Variants in POLA1 observed in about 807,000 individuals in gnomAD.
The protein encoded by POLA1 is DNA polymerase alpha catalytic subunit.
In POLA1, 15 loss-of-function variants were observed where a neutral mutation model predicts 124.0. The ratio of observed to expected loss-of-function variants is 0.12; its 90% CI spans 0.08 to 0.19. The LOEUF is 0.19. Ranked by LOEUF, POLA1 falls within the 10% of genes least tolerant of loss-of-function variation. The pLI is 1.00. For missense variants in POLA1, 886 were observed against 1,103.4 expected, an observed-to-expected ratio of 0.80 and a Z score of 2.79; for synonymous variants, 408 against 389.4, an observed-to-expected ratio of 1.05 and a Z score of -0.56.
At chrX:24,696,196 A>G (rs1482619725) in intron 1 of POLA1, among the ~76,000 whole-genome samples, 1 of 112,720 alleles carries the variant, frequency 8.9e-6, no homozygotes. Context: ...TGCATCAGTC[A>G]GAGCCCCTAT....
In POLA1 at chrX:24,727,840, C is replaced by T; in HGVS notation, c.1590C>T (p.Asp530=). The T allele has an allele frequency of 8.3e-7, 1 of 1,206,242 alleles. No individual in the cohort carries two copies. The highest frequency in any genetic ancestry group is 1.1e-6 in the Non-Finnish European group (1 of 890,354). The part of the protein sequence containing the change: ...CKVEAMALKP[D]LVNVIKDVSP... ...TTGAGGCAATGGCTTTGAAACCAGA[C>T]CTGGTGAATGTAATTAAGGATGTCA... is the stretch of plus-strand genomic sequence containing the variant. Residue 530 remains aspartate (D), a synonymous_variant, in exon 15 of 37, where the codon GAC becomes GAT. Coordinates refer to ENST00000379068, the MANE Select transcript of POLA1 (RefSeq NM_001330360.2).
chrX:24,934,212 A>G (rs1305088414), intron 36 of POLA1, among the ~76,000 whole-genome samples: 1 of 112,509 alleles, frequency 8.9e-6, no homozygotes, highest in Non-Finnish European at 1.9e-5. Flanking sequence ...GCAGGAAGAA[A>G]AAAGTCTCTT....
intron 35 of POLA1, among the ~76,000 whole-genome samples, chrX:24,897,673 T>G (rs1283859458): frequency 1.8e-5 from 2 of 112,020 alleles, no homozygotes; most frequent in Non-Finnish European, 3.8e-5. Context: ...GCAGAGATGT[T>G]CCAGGGATGT....
intron 34 of POLA1, among the ~76,000 whole-genome samples, chrX:24,853,388 T>G (rs946421622): frequency 1.8e-5 from 2 of 112,320 alleles, no homozygotes; most frequent in African/African-American, 3.2e-5. Context: ...GTAAACTTTT[T>G]GTGCTCTGGT....
At chrX:24,782,046 A>G (rs2045275524) in intron 26 of POLA1, among the ~76,000 whole-genome samples, 1 of 111,774 alleles carries the variant, frequency 8.9e-6, no homozygotes, top group South Asian at 3.8e-4. Context: ...ATATTCTTAG[A>G]AGCTCAGAAA....
At chrX:24,746,217 C>T (rs1488770519) in intron 24 of POLA1, among the ~76,000 whole-genome samples, 3 of 110,911 alleles carry the variant, frequency 2.7e-5, no homozygotes, top group Non-Finnish European at 5.7e-5. Context: ...TCCAGGTCCC[C>T]GTTACCTGTG....
At chrX:24,726,509 G>C (rs1930547170) in intron 13 of POLA1, among the ~76,000 whole-genome samples, 1 of 112,353 alleles carries the variant, frequency 8.9e-6, no homozygotes, top group Non-Finnish European at 1.9e-5. Flanking sequence ...CTAGTGTTTT[G>C]TTCCCACAAC....
chrX:24,946,396 T>C (rs1426135080), intron 36 of POLA1, among the ~76,000 whole-genome samples: 1 of 111,985 alleles, frequency 8.9e-6, no homozygotes, highest in Non-Finnish European at 1.9e-5. Context: ...TTACCTGGGG[T>C]GTCCAGGCAG....
intron 36 of POLA1, among the ~76,000 whole-genome samples, chrX:24,994,882 C>T (rs2048584052): frequency 9.0e-6 from 1 of 111,102 alleles, no homozygotes. Flanking sequence ...CACAGCCCCA[C>T]TGCTCCTTTA....
chrX:24,912,717 C>G (rs2047467451), intron 35 of POLA1, among the ~76,000 whole-genome samples: 1 of 111,818 alleles, frequency 8.9e-6, no homozygotes, highest in African/African-American at 3.3e-5. Context: ...CTGCAGTGAG[C>G]AGTGACTGTG....
chrX:24,749,638 A>G (rs1350812368), intron 26 of POLA1, among the ~76,000 whole-genome samples: 1 of 111,761 alleles, frequency 8.9e-6, no homozygotes, highest in Non-Finnish European at 1.9e-5. Context: ...CTGGGAAAGA[A>G]GGATTAAGAA....
intron 35 of POLA1, among the ~76,000 whole-genome samples, chrX:24,919,186 A>G (rs1453168930): frequency 8.9e-6 from 1 of 112,005 alleles, no homozygotes; most frequent in Non-Finnish European, 1.9e-5. Flanking sequence ...TAGTAGTTTA[A>G]AATACCTTGG....
Position 24,744,892 on chromosome X carries a change from C to T in POLA1, c.2567-526C>T, listed in dbSNP as rs772859201. Among the ~76,000 whole-genome samples the T allele has an allele frequency of 4.8e-5, 5 of 104,197 alleles. No homozygotes were observed. The South Asian group carries it at 1.9e-3, about 39-fold the overall frequency. 90.5% of individuals were successfully genotyped at this position (104,197 alleles called of 115,157 possible). A position where few individuals can be genotyped will look rare whatever the true frequency, so the allele number is the denominator to read the frequency against. ...ACTTGAACCCGGGAGGCAGAGGTTG[C>T]GGTGAGCTGAGATTGCGCCATGGCA... On this transcript the variant is annotated intron_variant, in intron 23 of 36. Transcript: ENST00000379068.
chrX:24,919,795 A>AGTTTTTTTTTTTT (rs2047584992), intron 35 of POLA1, among the ~76,000 whole-genome samples: 3 of 51,095 alleles, frequency 5.9e-5, no homozygotes, highest in African/African-American at 1.4e-4. Context: ...CTCCCTCCCC[A>AGTTTTTTTTTTTT]GTTTTTTTTT....
chrX:24,920,559 A>G (rs1051143461), intron 35 of POLA1, among the ~76,000 whole-genome samples: 4 of 112,067 alleles, frequency 3.6e-5, no homozygotes, highest in Admixed American at 9.4e-5. Context: ...AAATGCATCA[A>G]TAAAAAGTGG....
At chrX:24,711,139 C>T (rs1383511245) in intron 4 of POLA1, among the ~76,000 whole-genome samples, 6 of 110,799 alleles carry the variant, frequency 5.4e-5, no homozygotes, top group Non-Finnish European at 9.4e-5. Context: ...CATCCTGCCA[C>T]GCTCGGCTAA....
intron 35 of POLA1, among the ~76,000 whole-genome samples, chrX:24,915,105 G>A (rs1451521106): frequency 1.8e-5 from 2 of 111,572 alleles, no homozygotes; most frequent in African/African-American, 6.5e-5. Context: ...TTGGCGGGTG[G>A]GACCTCCTTA....
intron 35 of POLA1, among the ~76,000 whole-genome samples, chrX:24,924,761 A>C (rs766086237): frequency 1.8e-5 from 2 of 112,054 alleles, no homozygotes; most frequent in East Asian, 5.6e-4. Context: ...TCAAGACCAG[A>C]AGGATAGACC....
At chrX:24,764,792 C>T (rs770974125) in intron 26 of POLA1, among the ~76,000 whole-genome samples, 1 of 111,294 alleles carries the variant, frequency 9.0e-6, no homozygotes, top group Non-Finnish European at 1.9e-5. Flanking sequence ...CCAAAATATT[C>T]GGATTAATCC....
Sources: allele counts gnomAD v4.1 joint callset (sites outside exome capture counted in the v4.1 genomes callset), GRCh38; gene constraint gnomAD v4.1.1; transcripts MANE v1.5; gene names NCBI Gene and HGNC (gene_info 2026-07-23, HGNC 2026-07-21).